The following DLC1 variants were observed in gnomAD, a reference collection of about 807,000 sequenced individuals.
The protein encoded by DLC1 is DLC1 Rho GTPase activating protein.
In DLC1, 54 loss-of-function variants were observed where a neutral mutation model predicts 140.3. The ratio of observed to expected loss-of-function variants is 0.38; its 90% CI spans 0.31 to 0.48. The LOEUF is 0.48. DLC1 is among the 20% of genes least tolerant of loss of function. DLC1 has a pLI of 0.96. For synonymous variants in DLC1, 986 were observed against 728.1 expected (o/e 1.35, Z -5.70); for missense variants, 2,536 against 1,907.0 (o/e 1.33, Z -6.14).
At chr8:13,269,809 G>T (rs1830850654) in intron 5 of DLC1, among the ~76,000 whole-genome samples, 1 of 150,826 alleles carries the variant, frequency 6.6e-6, no homozygotes, top group African/African-American at 2.4e-5. Context: ...TGTAATCCCA[G>T]CATTTTGGGA....
At chr8:13,352,596 G>A (rs190521593) in intron 4 of DLC1, among the ~76,000 whole-genome samples, 15 of 152,184 alleles carry the variant, frequency 9.9e-5, no homozygotes, top group Admixed American at 7.2e-4. Context: ...GCCCAGGCTG[G>A]CCTCAAATTC....
intron 1 of DLC1, among the ~76,000 whole-genome samples, chr8:13,587,337 C>A (rs1473523695): frequency 6.6e-6 from 1 of 151,762 alleles, no homozygotes; most frequent in Non-Finnish European, 1.5e-5. Flanking sequence ...GAACATATGT[C>A]TATTTTCACC....
rs12548871 is a variant in DLC1 at position 13,108,374 on chromosome 8, G to C, written c.1502+2368C>G. Among the ~76,000 whole-genome samples the C allele has an allele frequency of 6.5e-3, 993 of 152,242 alleles. 6 individuals are homozygous for C. The highest frequency in any genetic ancestry group is 0.017 in the Middle Eastern group (5 of 294). On this transcript the variant is annotated intron_variant, in intron 7 of 17. Coordinates refer to ENST00000276297, the MANE Select transcript of DLC1 (RefSeq NM_182643.3). The stretch of plus-strand genomic sequence containing the variant: ...TCCTATAAGATGTTATTCTATGCAG[G>C]AGAGAAAACTGAAGCCCAACTAGCA...
At chr8:13,359,173 T>G (rs1026355881) in intron 4 of DLC1, among the ~76,000 whole-genome samples, 4 of 152,188 alleles carry the variant, frequency 2.6e-5, no homozygotes, top group Non-Finnish European at 5.9e-5. Context: ...TCTCCTGACC[T>G]CGTGATCCAG....
At chr8:13,217,068 G>C (rs962004778) in intron 5 of DLC1, among the ~76,000 whole-genome samples, 28 of 152,098 alleles carry the variant, frequency 1.8e-4, no homozygotes, top group African/African-American at 6.5e-4. Context: ...ATTGGAGCCA[G>C]CAATCACATC....
intron 2 of DLC1, among the ~76,000 whole-genome samples, chr8:13,461,505 C>T (rs938506243): frequency 6.6e-6 from 1 of 152,198 alleles, no homozygotes; most frequent in African/African-American, 2.4e-5. Context: ...TGGAGTCTAT[C>T]AACTTCCATC....
chr8:13,091,972 C>A (rs550706867), intron 13 of DLC1, among the ~76,000 whole-genome samples: 4 of 152,162 alleles, frequency 2.6e-5, no homozygotes, highest in Non-Finnish European at 4.4e-5. Context: ...TGTGGCCGGG[C>A]GCAGTGGCTC....
intron 4 of DLC1, among the ~76,000 whole-genome samples, chr8:13,330,056 C>G (rs578222192): frequency 4.6e-5 from 7 of 152,140 alleles, no homozygotes; most frequent in Non-Finnish European, 1.0e-4. Flanking sequence ...CCTCTAACTC[C>G]TAGGCTTAAG....
chr8:13,450,740 C>T (rs577717949), intron 2 of DLC1, among the ~76,000 whole-genome samples: 1 of 151,892 alleles, frequency 6.6e-6, no homozygotes, highest in East Asian at 1.9e-4. Flanking sequence ...ATTGTCATCC[C>T]AATGAAAATA....
At chr8:13,225,377 A>AG (rs1828746865) in intron 5 of DLC1, among the ~76,000 whole-genome samples, 1 of 152,110 alleles carries the variant, frequency 6.6e-6, no homozygotes, top group African/African-American at 2.4e-5. Context: ...GTGGATGTGA[A>AG]CAACCGGTTG....
At chr8:13,164,364 G>A (rs528243289) in intron 5 of DLC1, among the ~76,000 whole-genome samples, 1 of 151,526 alleles carries the variant, frequency 6.6e-6, no homozygotes, top group East Asian at 1.9e-4. Context: ...CTCTCTGTCT[G>A]TCTATTTGTG....
At chr8:13,149,735 C>G (rs991282607) in intron 5 of DLC1, among the ~76,000 whole-genome samples, 2 of 152,212 alleles carry the variant, frequency 1.3e-5, no homozygotes, top group African/African-American at 2.4e-5. Context: ...GGAAGAACAT[C>G]TGTACCTAAG....
intron 5 of DLC1, among the ~76,000 whole-genome samples, chr8:13,139,288 C>CAAAAAAAAAAAAA (rs67684524): frequency 6.1e-5 from 3 of 49,288 alleles, no homozygotes; most frequent in Non-Finnish European, 3.7e-5. Flanking sequence ...GACCCTGTCT[C>CAAAAAAAAAAAAA]AAAAAAAAAA....
At chr8:13,424,782 C>T (rs987423061) in intron 2 of DLC1, among the ~76,000 whole-genome samples, 3 of 152,086 alleles carry the variant, frequency 2.0e-5, no homozygotes, top group Middle Eastern at 3.4e-3. Context: ...ACCATGTTAG[C>T]CAGGATGGTC....
At chr8:13,544,162 C>T (rs62492095) in intron 1 of DLC1, among the ~76,000 whole-genome samples, 18,275 of 151,070 alleles carry the variant, frequency 0.12, 1,297 homozygotes, top group Non-Finnish European at 0.15. Context: ...TTCTCTCTCT[C>T]TCCTCTCTTT....
chr8:13,216,797 C>A (rs1019668586), intron 5 of DLC1, among the ~76,000 whole-genome samples: 1 of 152,010 alleles, frequency 6.6e-6, no homozygotes, highest in Non-Finnish European at 1.5e-5. Context: ...ACTAGTAGTA[C>A]CCCCAGCTGT....
intron 5 of DLC1, among the ~76,000 whole-genome samples, chr8:13,284,798 AATACTT>A (rs1310158399): frequency 1.3e-5 from 2 of 152,198 alleles, no homozygotes; most frequent in Non-Finnish European, 2.9e-5. Context: ...AAAAATATGA[AATACTT>A]AGAGATACAT....
intron 5 of DLC1, among the ~76,000 whole-genome samples, chr8:13,257,957 A>C (rs17190046): frequency 6.6e-6 from 1 of 152,240 alleles, no homozygotes; most frequent in East Asian, 1.9e-4. Flanking sequence ...GCGGGAAGTC[A>C]TCAAAAGCCA....
At position 13,091,374 on chromosome 8, in the gene DLC1, G is replaced by A. The variant is rs764109507; in HGVS notation, c.3799C>T (p.Leu1267=). The A allele has an allele frequency of 2.5e-6, 4 of 1,613,956 alleles. No homozygotes were observed. The highest frequency in any genetic ancestry group is 3.4e-6 in the Non-Finnish European group (4 of 1,180,014). The part of the protein sequence containing the change: ...KPDQKDLNEN[L]AATQGLAHMI... ...TGGGCCAGCCCTTGAGTGGCAGCTA[G>A]GTTTTCATTCAAATCTTTCTGATCT... The change falls in exon 14 of 18, where the codon CTA becomes TTA. Residue 1267 remains leucine, a synonymous_variant. Transcript: ENST00000276297.
Sources: allele counts gnomAD v4.1 joint callset (sites outside exome capture counted in the v4.1 genomes callset), GRCh38; gene constraint gnomAD v4.1.1; transcripts MANE v1.5; gene names NCBI Gene and HGNC (gene_info 2026-07-23, HGNC 2026-07-21).